Variants in SYTL2 observed in about 807,000 individuals in gnomAD.
SYTL2 encodes synaptotagmin-like protein 2.
A neutral mutation model predicts 198.7 loss-of-function variants in SYTL2; 165 were observed. That is an observed-to-expected ratio of 0.83 (90% CI 0.73 to 0.94). SYTL2 has a LOEUF of 0.94. Ranked by LOEUF, SYTL2 falls within the 40% of genes least tolerant of loss-of-function variation. The pLI is 0.00. For missense variants in SYTL2, 2,835 were observed against 2,582.8 expected (o/e 1.10, Z -2.12); for synonymous variants, 966 against 917.7 (o/e 1.05, Z -0.95).
Position 85,737,582 on chromosome 11 carries a change from G to C in SYTL2, c.464C>G (p.Pro155Arg). 1 of 1,613,326 alleles carries C rather than the reference G, an allele frequency of 6.2e-7. No individual in the cohort carries two copies. The highest frequency in any genetic ancestry group is 2.2e-5 in the East Asian group (1 of 44,874). The change falls in exon 5 of 20, where the codon CCA becomes CGA. Residue 155 changes from proline (P) to arginine (R), a missense_variant. Around this residue, in one of 3 missense-constraint regions of SYTL2, gnomAD observed 2,645 missense variants for 2,381.7 expected, o/e 1.11. Coordinates refer to ENST00000359152, the MANE Select transcript of SYTL2 (RefSeq NM_206927.4). ...AATCTGGGCTCAGTCTACCTTCTCT[G>C]GAGACACATTTGGTTTCCTTGTGTT... ...QENTRKPNVS[P>R]EKQRKNPFNS... is the part of the protein sequence containing the mutation.
chr11:85,752,304 G>A (rs1485976690), intron 2 of SYTL2, among the ~76,000 whole-genome samples: 1 of 152,164 alleles, frequency 6.6e-6, no homozygotes, highest in African/African-American at 2.4e-5. Context: ...GAATGTGAGA[G>A]CTGAAAGGTA....
chr11:85,724,324 A>G lies in SYTL2; in HGVS notation c.5034T>C (p.Thr1678=). 6.3e-7 allele frequency: 1 copy of G among 1,580,016 alleles called. No individual in the cohort carries two copies. The highest frequency in any genetic ancestry group is 1.2e-5 in the South Asian group (1 of 83,894). The change falls in exon 8 of 20, where the codon ACT becomes ACC. Residue 1678 remains threonine, a synonymous_variant. Transcript: ENST00000359152. ...YVAHEIGTIK[T]VTPPEDRDSE... The stretch of plus-strand genomic sequence containing the variant: ...TGTCCCTGTCCTCTGGGGGGGTTAC[A>G]GTTTTAATGGTCCCTATTTCATGAG...
the SYTL2 span, among the ~76,000 whole-genome samples, chr11:85,840,468 A>G: frequency 1.3e-5 from 2 of 152,162 alleles, no homozygotes; most frequent in Non-Finnish European, 2.9e-5. Flanking sequence ...GAGATCTGCT[A>G]TCCAACTTCA....
At chr11:85,730,316 C>T (rs2089669011) in intron 7 of SYTL2, among the ~76,000 whole-genome samples, 1 of 152,158 alleles carries the variant, frequency 6.6e-6, no homozygotes, top group Non-Finnish European at 1.5e-5. Flanking sequence ...ACCAATATCC[C>T]TGATGAACAT....
rs763852487 is a variant in SYTL2, at chr11:85,720,922, C to A, written c.5364G>T (p.Leu1788Phe). The change falls in exon 9 of 20, where the codon TTG becomes TTT. Residue 1788 changes from leucine to phenylalanine, a missense_variant. Leu to Phe is a conservative substitution (Grantham distance 22). Transcript: ENST00000359152. Reference protein sequence around the residue: ...EEEPSPVLKTLERSAARKMPS... With the variant: ...EEEPSPVLKTFERSAARKMPS... ...GCATTTTCCTAGCGGCACTCCTTTCCAAAGTTTTCAAAACAGGACTGGGTT... is the reference window on the plus strand; with the variant it reads ...GCATTTTCCTAGCGGCACTCCTTTCAAAAGTTTTCAAAACAGGACTGGGTT... 13 of 1,612,838 alleles carry A rather than the reference C, an allele frequency of 8.1e-6. No homozygotes were observed. The Admixed American group carries it at 2.2e-4, about 27-fold the overall frequency.
chr11:85,702,578 G>A (rs2153384122), intron 16 of SYTL2, among the ~76,000 whole-genome samples: 1 of 152,284 alleles, frequency 6.6e-6, no homozygotes, highest in East Asian at 1.9e-4. Flanking sequence ...AACCTCTGAA[G>A]GGCCTTAGCC....
At chr11:85,728,716 G>A (rs560371098) in intron 7 of SYTL2, among the ~76,000 whole-genome samples, 1 of 152,184 alleles carries the variant, frequency 6.6e-6, no homozygotes, top group Admixed American at 6.5e-5. Context: ...ACCCTAGAGG[G>A]GGCTTAAACC....
rs76090775 is a variant in SYTL2, at chr11:85,730,246, G to T, written c.1391-2279C>A. ...GACTCCTCCCTAACTCATTTTGTGG[G>T]GCCAACATCAACCTGATACCAAACC... is the stretch of plus-strand genomic sequence containing the variant. On this transcript the variant is annotated intron_variant, in intron 7 of 19. Transcript: ENST00000359152. Among the ~76,000 whole-genome samples the T allele has an allele frequency of 2.1e-4, 32 of 152,202 alleles. 1 individual carries two copies. In the East Asian group the frequency reaches 6.2e-3, roughly 29 times the overall value.
chr11:85,718,031 G>A (rs290193), intron 10 of SYTL2, among the ~76,000 whole-genome samples: 65,550 of 152,086 alleles, frequency 0.43, 14,499 homozygotes, highest in East Asian at 0.59. Context: ...CTCTGTTGCT[G>A]CATTTATATG....
intron 13 of SYTL2, among the ~76,000 whole-genome samples, chr11:85,710,686 A>G (rs1255856308): frequency 6.6e-6 from 1 of 152,198 alleles, no homozygotes; most frequent in African/African-American, 2.4e-5. Context: ...GCAAGGAATT[A>G]CCTCTCATAT....
At chr11:85,830,526 C>A in the SYTL2 span, among the ~76,000 whole-genome samples, 2 of 152,196 alleles carry the variant, frequency 1.3e-5, no homozygotes, top group Admixed American at 1.3e-4. Context: ...AGTTTACCTG[C>A]AGCTCTATCT....
In SYTL2 at chr11:85,726,809, T is replaced by C. The variant is rs199510720; in HGVS notation, c.2549A>G (p.Asn850Ser). ...DSLSTDQSEYNQAIPKRVVLD... is the reference protein window; with the variant it reads ...DSLSTDQSEYSQAIPKRVVLD... ...GACCACTCGTTTGGGAATGGCCTGA[T>C]TATATTCACTCTGGTCTGTAGATAA... Residue 850 changes from asparagine (N) to serine (S), a missense_variant, in exon 8 of 20, where the codon AAT becomes AGT. This residue lies in a region of SYTL2 where 2,645 missense variants were observed against 2,381.7 expected (regional missense o/e 1.11). Coordinates refer to ENST00000359152, the MANE Select transcript of SYTL2 (RefSeq NM_206927.4). 98 of 1,536,210 alleles carry C rather than the reference T, an allele frequency of 6.4e-5. No individual in the cohort carries two copies. Among genetic ancestry groups the C allele is most frequent in the Non-Finnish European group, 7.3e-5 (84 of 1,146,916 alleles).
chr11:85,714,696 A>G, intron 11 of SYTL2, 189 bp from the exon 12 acceptor site: 1 of 1,306,436 alleles, frequency 7.7e-7, no homozygotes, highest in Non-Finnish European at 9.8e-7. Flanking sequence ...TTATATAGAG[A>G]GAGAACTAGC....
At chr11:85,747,804 A>T (rs1372873032) in intron 3 of SYTL2, among the ~76,000 whole-genome samples, 1 of 152,176 alleles carries the variant, frequency 6.6e-6, no homozygotes, top group Non-Finnish European at 1.5e-5. Context: ...ATTTTTGTTT[A>T]ATCAAATAAA....
chr11:85,780,963 A>T (rs2092549723), intron 1 of SYTL2, among the ~76,000 whole-genome samples: 1 of 152,216 alleles, frequency 6.6e-6, no homozygotes, highest in Non-Finnish European at 1.5e-5. Flanking sequence ...TGTTTGCTGT[A>T]GAACTGATTG....
chr11:85,722,308 G>A (rs1294872872), intron 8 of SYTL2, among the ~76,000 whole-genome samples: 1 of 151,080 alleles, frequency 6.6e-6, no homozygotes, highest in Non-Finnish European at 1.5e-5. Context: ...CTCCCGAGTA[G>A]CTGGGACTAC....
chr11:85,827,605 T>C, the SYTL2 span, among the ~76,000 whole-genome samples: 116 of 152,334 alleles, frequency 7.6e-4, no homozygotes, highest in South Asian at 8.3e-4. Context: ...AGGCCTGTTT[T>C]GTCCACTGTG....
chr11:85,821,823 G>A, the SYTL2 span, among the ~76,000 whole-genome samples: 4 of 152,302 alleles, frequency 2.6e-5, no homozygotes, highest in Admixed American at 6.5e-5. Context: ...AGAGATGAAT[G>A]AGCCAACATC....
chr11:85,821,646 A>G, the SYTL2 span, among the ~76,000 whole-genome samples: 1 of 152,262 alleles, frequency 6.6e-6, no homozygotes, highest in Non-Finnish European at 1.5e-5. Flanking sequence ...AAGAAGCTTA[A>G]GTATGTGGAA....
Sources: allele counts gnomAD v4.1 joint callset (sites outside exome capture counted in the v4.1 genomes callset), GRCh38; gene constraint gnomAD v4.1.1; regional missense constraint gnomAD v4.1.1; transcripts MANE v1.5; gene names NCBI Gene and HGNC (gene_info 2026-07-23, HGNC 2026-07-21).